PDE7B: variants seen among roughly 807,000 people sequenced by gnomAD.
PDE7B encodes the protein 3',5'-cyclic-AMP phosphodiesterase 7B.
Under a neutral mutation model 56.2 loss-of-function variants are expected in PDE7B, and 29 were observed. The observed-to-expected ratio is 0.52, with a 90% CI of 0.38 to 0.70. The LOEUF is 0.70. Among genes scored for constraint, PDE7B ranks in the 30% least tolerant of loss-of-function variants. The pLI is 0.00. For missense variants in PDE7B, 490 were observed against 565.0 expected, an observed-to-expected ratio of 0.87 and a Z score of 1.35; for synonymous variants, 197 against 196.9, an observed-to-expected ratio of 1.00 and a Z score of 0.00.
intron 2 of PDE7B, among the ~76,000 whole-genome samples, chr6:136,013,501 G>A (rs1057283520): frequency 1.3e-5 from 2 of 152,226 alleles, no homozygotes; most frequent in African/African-American, 4.8e-5. Flanking sequence ...GCCAGAGGTG[G>A]TGGACAAGAT....
intron 6 of PDE7B, among the ~76,000 whole-genome samples, chr6:136,152,192 A>T (rs1347179841): frequency 1.3e-5 from 2 of 152,146 alleles, no homozygotes; most frequent in Non-Finnish European, 2.9e-5. Flanking sequence ...TTTATAATAA[A>T]TTATATATAA....
intron 2 of PDE7B, chr6:136,038,376 G>C (rs890112415): frequency 5.9e-5 from 76 of 1,291,572 alleles, no homozygotes; most frequent in Non-Finnish European, 7.1e-5. Context: ...TCCTCCCCGG[G>C]AAGCCGGCCG....
chr6:136,149,160 C>T lies in PDE7B; in HGVS notation c.382+10C>T. The T allele has an allele frequency of 1.3e-6, 2 of 1,580,014 alleles. No homozygotes were observed. Among genetic ancestry groups the T allele is most frequent in the Non-Finnish European group, 1.7e-6 (2 of 1,149,142 alleles). On this transcript the variant is annotated intron_variant, in intron 5 of 12. Coordinates refer to ENST00000308191, the MANE Select transcript of PDE7B (RefSeq NM_018945.4). ...GATCGCTTGACAAATGGTAAGTTAC[C>T]CAAAAGAATTCTCACTAAAATATAC...
At chr6:135,930,621 AGTT>A (rs1774277573) in intron 1 of PDE7B, among the ~76,000 whole-genome samples, 1 of 152,152 alleles carries the variant, frequency 6.6e-6, no homozygotes, top group Non-Finnish European at 1.5e-5. Flanking sequence ...CAATGCATTC[AGTT>A]GTTTGGAGTT....
intron 2 of PDE7B, among the ~76,000 whole-genome samples, chr6:136,010,702 C>A (rs1775878059): frequency 1.3e-5 from 2 of 152,054 alleles, no homozygotes; most frequent in Non-Finnish European, 2.9e-5. Flanking sequence ...GATCTCAGCT[C>A]ACTGCAACCA....
chr6:135,877,590 T>C (rs1562421528), intron 1 of PDE7B, among the ~76,000 whole-genome samples: 1 of 152,138 alleles, frequency 6.6e-6, no homozygotes, highest in Non-Finnish European at 1.5e-5. Context: ...GTTCCTTCAC[T>C]TTGGCTTCTA....
chr6:136,163,819 C>A (rs1278850403), intron 8 of PDE7B, among the ~76,000 whole-genome samples: 2 of 152,238 alleles, frequency 1.3e-5, no homozygotes, highest in Non-Finnish European at 2.9e-5. Flanking sequence ...GCAAGAGTCA[C>A]TTTTATTCCA....
intron 8 of PDE7B, chr6:136,156,183 G>T: frequency 3.0e-6 from 1 of 331,936 alleles, no homozygotes; most frequent in Non-Finnish European, 5.9e-6. Context: ...GTGTGTGTGT[G>T]TGTGTGTGTG....
intron 2 of PDE7B, among the ~76,000 whole-genome samples, chr6:136,078,367 C>T (rs866971649): frequency 1.3e-5 from 2 of 152,224 alleles, no homozygotes; most frequent in Middle Eastern, 6.8e-3. Flanking sequence ...ACCCATTTGA[C>T]TTAAAGGGCA....
At chr6:136,021,986 G>A (rs2128208185) in intron 2 of PDE7B, among the ~76,000 whole-genome samples, 1 of 152,220 alleles carries the variant, frequency 6.6e-6, no homozygotes, top group South Asian at 2.1e-4. Context: ...CTGAGTCTCT[G>A]TCACTGCCTT....
chr6:136,009,184 A>T (rs964529697), intron 2 of PDE7B, among the ~76,000 whole-genome samples: 1 of 151,634 alleles, frequency 6.6e-6, no homozygotes, highest in East Asian at 1.9e-4. Flanking sequence ...GTTCTGTTCC[A>T]TTGGTCTATA....
intron 2 of PDE7B, among the ~76,000 whole-genome samples, chr6:136,099,308 G>A (rs1466856280): frequency 2.0e-5 from 3 of 152,158 alleles, no homozygotes; most frequent in African/African-American, 7.2e-5. Flanking sequence ...GGATTGATGG[G>A]TCAAATGGTA....
At chr6:135,903,845 G>C (rs1197425971) in intron 1 of PDE7B, among the ~76,000 whole-genome samples, 1 of 152,138 alleles carries the variant, frequency 6.6e-6, no homozygotes, top group Non-Finnish European at 1.5e-5. Context: ...ATGAAAACTG[G>C]CATCCTCTAT....
chr6:135,864,793 TTTA>T (rs763625767), intron 1 of PDE7B, among the ~76,000 whole-genome samples: 12 of 152,162 alleles, frequency 7.9e-5, no homozygotes, highest in Admixed American at 3.3e-4. Flanking sequence ...CCTTTCTTTT[TTTA>T]TTATTATTAT....
At chr6:135,875,845 T>C (rs1183283913) in intron 1 of PDE7B, among the ~76,000 whole-genome samples, 6 of 152,340 alleles carry the variant, frequency 3.9e-5, no homozygotes, top group South Asian at 2.1e-4. Flanking sequence ...ATTTGGTCTC[T>C]ATTGTTGCCA....
In PDE7B at chr6:136,000,613, GT is replaced by G. The variant is rs201382935; in HGVS notation, c.82+53096del. Among the ~76,000 whole-genome samples the G allele has an allele frequency of 9.1e-3, 1,383 of 152,226 alleles. 13 individuals are homozygous for G. Among genetic ancestry groups the G allele is most frequent in the Admixed American group, 0.014 (218 of 15,290 alleles). On this transcript the variant is annotated intron_variant, in intron 2 of 12. Coordinates refer to ENST00000308191, the MANE Select transcript of PDE7B (RefSeq NM_018945.4). ...TTTTGTTCCATGTATCTATGTATCT[GT>G]TTTTTTGTACTAGTACCATGCTGTT...
intron 2 of PDE7B, chr6:136,070,125 C>A: frequency 6.6e-6 from 1 of 150,388 alleles, no homozygotes; most frequent in African/African-American, 2.5e-5. Context: ...TGCACTGTAT[C>A]TTAAAGTATG....
At chr6:136,088,817 A>G (rs58052970) in intron 2 of PDE7B, among the ~76,000 whole-genome samples, 4,404 of 152,168 alleles carry the variant, frequency 0.029, 205 homozygotes, top group African/African-American at 0.097. Context: ...ACTTTAAATG[A>G]GTGAATTGTG....
chr6:136,122,929 A>G (rs1206224767), intron 3 of PDE7B, among the ~76,000 whole-genome samples: 4 of 152,204 alleles, frequency 2.6e-5, no homozygotes, highest in Non-Finnish European at 5.9e-5. Flanking sequence ...AAGCCTCCAG[A>G]CACACTAAGA....
Sources: gnomAD v4.1 joint callset for allele counts (sites outside exome capture counted in the v4.1 genomes callset) on GRCh38, gnomAD v4.1.1 for gene constraint, MANE v1.5 for transcripts, NCBI Gene and HGNC (gene_info 2026-07-23, HGNC 2026-07-21) for gene names.